The following EDIL3 variants were observed in gnomAD, a reference collection of about 807,000 sequenced individuals.
EDIL3 encodes EGF like and discoidin domains 3.
A neutral mutation model predicts 67.4 loss-of-function variants in EDIL3; 37 were observed. That is an observed-to-expected ratio of 0.55 (90% CI 0.42 to 0.72). EDIL3 has a LOEUF of 0.72. Ranked by LOEUF, EDIL3 falls within the 30% of genes least tolerant of loss-of-function variation. The pLI, the probability that EDIL3 is intolerant of heterozygous loss-of-function variation, is 0.00. For synonymous variants in EDIL3, 195 were observed against 196.3 expected, an observed-to-expected ratio of 0.99 and a Z score of 0.05; for missense variants, 527 against 586.3, an observed-to-expected ratio of 0.90 and a Z score of 1.04.
intron 3 of EDIL3, among the ~76,000 whole-genome samples, chr5:84,207,947 G>T (rs1409813525): frequency 2.6e-5 from 4 of 152,242 alleles, no homozygotes. Context: ...AAAAACCCGA[G>T]AAGAAAACCT....
intron 9 of EDIL3, among the ~76,000 whole-genome samples, chr5:83,969,907 C>T (rs1232554817): frequency 6.6e-6 from 1 of 151,418 alleles, no homozygotes; most frequent in Non-Finnish European, 1.5e-5. Flanking sequence ...GTTCAGAATC[C>T]TCCTTGTAAC....
At chr5:84,268,522 C>T (rs1580046239) in intron 1 of EDIL3, among the ~76,000 whole-genome samples, 1 of 152,234 alleles carries the variant, frequency 6.6e-6, no homozygotes, top group East Asian at 1.9e-4. Context: ...GAACTACTTC[C>T]TTCAGCTAAC....
intron 2 of EDIL3, among the ~76,000 whole-genome samples, chr5:84,233,557 C>T (rs1249400478): frequency 6.6e-6 from 1 of 152,156 alleles, no homozygotes; most frequent in Non-Finnish European, 1.5e-5. Flanking sequence ...TATATCAATG[C>T]TTTAGGGAAA....
At chr5:84,149,712 AAC>A (rs148694001) in intron 4 of EDIL3, among the ~76,000 whole-genome samples, 2,083 of 152,302 alleles carry the variant, frequency 0.014, 49 homozygotes, top group African/African-American at 0.048. Flanking sequence ...AAGTAATTAA[AAC>A]AGTTATTAAA....
chr5:84,227,715 C>T (rs1310439634), intron 3 of EDIL3, among the ~76,000 whole-genome samples: 1 of 152,020 alleles, frequency 6.6e-6, no homozygotes, highest in African/African-American at 2.4e-5. Flanking sequence ...AAATGTAGTA[C>T]ATATAAACTA....
intron 1 of EDIL3, among the ~76,000 whole-genome samples, chr5:84,362,409 G>T (rs1679397236): frequency 6.6e-6 from 1 of 152,082 alleles, no homozygotes; most frequent in Non-Finnish European, 1.5e-5. Flanking sequence ...TAAAATGGCT[G>T]ATTCATGCTA....
At chr5:84,176,321 A>G (rs1294575379) in intron 4 of EDIL3, among the ~76,000 whole-genome samples, 5 of 81,076 alleles carry the variant, frequency 6.2e-5, no homozygotes, top group African/African-American at 1.8e-4. Flanking sequence ...TATAATATAT[A>G]TATATTAGGG....
chr5:84,202,788 G>GCAGTT lies in EDIL3; in HGVS notation c.227-22268_227-22267insAACTG, dbSNP rs1743871986. Among the ~76,000 whole-genome samples the GCAGTT allele has an allele frequency of 2.0e-5, 3 of 152,092 alleles. No individual in the cohort carries two copies. In the South Asian group the frequency reaches 6.2e-4, roughly 31 times the overall value. The stretch of plus-strand genomic sequence containing the variant: ...ATATAGAGAAGACAGAGAAGAGAAA[G>GCAGTT]CAGTCTCACACGTACTATGAACTGG... On this transcript the variant is annotated intron_variant, in intron 3 of 10. Coordinates refer to ENST00000296591, the MANE Select transcript of EDIL3 (RefSeq NM_005711.5).
chr5:84,140,075 G>A (rs1194786903), intron 4 of EDIL3, among the ~76,000 whole-genome samples: 3 of 152,066 alleles, frequency 2.0e-5, no homozygotes, highest in African/African-American at 2.4e-5. Context: ...AGGATGAGAA[G>A]GATTAAAGGG....
At chr5:84,119,068 C>G (rs764286554) in intron 5 of EDIL3, among the ~76,000 whole-genome samples, 18 of 151,916 alleles carry the variant, frequency 1.2e-4, no homozygotes, top group Admixed American at 3.9e-4. Flanking sequence ...TAAATGGTAG[C>G]TTTTACATTG....
intron 1 of EDIL3, among the ~76,000 whole-genome samples, chr5:84,255,599 C>A (rs1475379759): frequency 6.6e-6 from 1 of 152,138 alleles, no homozygotes; most frequent in Non-Finnish European, 1.5e-5. Context: ...CAACTTCCTA[C>A]TAGTTTGTAT....
At chr5:84,144,876 G>GT (rs1354819600) in intron 4 of EDIL3, among the ~76,000 whole-genome samples, 1 of 152,038 alleles carries the variant, frequency 6.6e-6, no homozygotes, top group Non-Finnish European at 1.5e-5. Flanking sequence ...CCATTTTGGA[G>GT]TTTTTCCTAT....
rs758781288 is a variant in EDIL3, at chr5:84,066,641, T to C, written c.652-35A>G. ...CGAGCACAACCAACAATAATCTTAT[T>C]GTTTTCAGGATAACAATACTGAAAA... On this transcript the variant is annotated intron_variant, in intron 6 of 10. Coordinates refer to ENST00000296591, the MANE Select transcript of EDIL3 (RefSeq NM_005711.5). 3 of 1,594,420 alleles carry C rather than the reference T, an allele frequency of 1.9e-6. No individual in the cohort carries two copies. In the Admixed American group the frequency reaches 5.5e-5, roughly 29 times the overall value.
intron 1 of EDIL3, among the ~76,000 whole-genome samples, chr5:84,304,713 T>C (rs1350478449): frequency 2.0e-5 from 3 of 152,224 alleles, no homozygotes; most frequent in Non-Finnish European, 4.4e-5. Context: ...AATCCATTAA[T>C]TGGTTTTACA....
intron 9 of EDIL3, among the ~76,000 whole-genome samples, chr5:83,975,705 T>C (rs1744866444): frequency 6.6e-6 from 1 of 151,914 alleles, no homozygotes; most frequent in South Asian, 2.1e-4. Context: ...TTAAGGATCC[T>C]GAATTCCAAA....
chr5:84,037,454 T>C (rs998368850), intron 9 of EDIL3, among the ~76,000 whole-genome samples: 1 of 152,160 alleles, frequency 6.6e-6, no homozygotes, highest in South Asian at 2.1e-4. Flanking sequence ...TTTCAAATCA[T>C]AAAGAAAATA....
rs77034484 is a variant in EDIL3 at position 84,328,683 on chromosome 5, C to T, written c.67+55625G>A. Among the ~76,000 whole-genome samples, 302 of 152,078 alleles carry T rather than the reference C, an allele frequency of 2.0e-3. 1 individual carries two copies. Among genetic ancestry groups the T allele is most frequent in the African/African-American group, 7.0e-3 (289 of 41,512 alleles). On this transcript the variant is annotated intron_variant, in intron 1 of 10. Transcript: ENST00000296591. Reference sequence around the variant, plus strand: ...GCAAATTTCTTCAGTTCAAAGAACACCAGAATTTAGCTTAAGTAAAATGCC... The same window carrying T: ...GCAAATTTCTTCAGTTCAAAGAACATCAGAATTTAGCTTAAGTAAAATGCC...
chr5:84,126,796 A>G (rs1327392866), intron 5 of EDIL3, among the ~76,000 whole-genome samples: 1 of 152,112 alleles, frequency 6.6e-6, no homozygotes, highest in East Asian at 1.9e-4. Context: ...AAAACCTTGC[A>G]TTAAGCACTC....
intron 9 of EDIL3, among the ~76,000 whole-genome samples, chr5:84,045,592 A>C (rs1746206862): frequency 6.6e-6 from 1 of 152,202 alleles, no homozygotes; most frequent in African/African-American, 2.4e-5. Flanking sequence ...AAGCAGATAA[A>C]TGTGTCCTTA....
Sources: gnomAD v4.1 joint callset for allele counts (sites outside exome capture counted in the v4.1 genomes callset) on GRCh38, gnomAD v4.1.1 for gene constraint, MANE v1.5 for transcripts, NCBI Gene and HGNC (gene_info 2026-07-23, HGNC 2026-07-21) for gene names.